Variants in CCDC122 observed in about 807,000 individuals in gnomAD.
CCDC122 encodes coiled-coil domain-containing protein 122.
CCDC122 carries 38 observed loss-of-function variants against 37.0 expected under a neutral mutation model. The observed-to-expected ratio is 1.03, with a 90% CI of 0.79 to 1.35. CCDC122 has a LOEUF of 1.35. Among genes scored for constraint, CCDC122 ranks in the 40% most tolerant of loss-of-function variants. The pLI is 0.00. For synonymous variants in CCDC122, 83 were observed against 95.6 expected (o/e 0.87, Z 0.77); for missense variants, 305 against 310.0 (o/e 0.98, Z 0.12).
chr13:43,837,155 A>T lies in CCDC122; in HGVS notation c.*125T>A. The T allele has an allele frequency of 2.2e-6, 2 of 909,112 alleles. No individual in the cohort carries two copies. The highest frequency in any genetic ancestry group is 3.3e-6 in the Non-Finnish European group (2 of 607,516). The allele number at this position is 909,112 out of a possible 1,614,324, so 56.3% of individuals were successfully genotyped here. A position where few individuals can be genotyped will look rare whatever the true frequency, so the allele number is the denominator to read the frequency against. ...TTTAAAAAAAACAACAACCGAAGAC[A>T]TCTGTCATTAAGACAGGTCTCTAAT... On this transcript the variant is annotated 3_prime_UTR_variant, in exon 7 of 7. Transcript: ENST00000444614.
intron 2 of CCDC122, among the ~76,000 whole-genome samples, chr13:43,874,075 A>G (rs1302156007): frequency 6.6e-6 from 1 of 152,186 alleles, no homozygotes; most frequent in East Asian, 1.9e-4. Context: ...CTTTCTGGGA[A>G]GATATGGTCT....
At chr13:43,876,214 T>C (rs1954606501) in intron 1 of CCDC122, among the ~76,000 whole-genome samples, 1 of 152,240 alleles carries the variant, frequency 6.6e-6, no homozygotes, top group Admixed American at 6.5e-5. Context: ...CAATTTGTTA[T>C]GCTAGCCCTA....
chr13:43,879,198 A>ATTCCCGCCGCCCCCTCACGGTGCCCGCCG (rs1274757076), intron 1 of CCDC122: 4 of 151,944 alleles, frequency 2.6e-5, no homozygotes, highest in African/African-American at 9.7e-5. Context: ...GCGACCCACC[A>ATTCCCGCCGCCCCCTCACGGTGCCCGCCG]TTCCCGCCGC....
At chr13:43,878,480 C>T (rs1443828721) in intron 1 of CCDC122, among the ~76,000 whole-genome samples, 2 of 152,138 alleles carry the variant, frequency 1.3e-5, no homozygotes, top group African/African-American at 4.8e-5. Flanking sequence ...AACATGCCTA[C>T]CCCAGAGGGC....
chr13:43,820,254 GAT>G (rs1445747264), downstream of CCDC122, among the ~76,000 whole-genome samples: 4 of 152,176 alleles, frequency 2.6e-5, no homozygotes, highest in African/African-American at 9.7e-5. Flanking sequence ...AAGCCTGAGG[GAT>G]AGTGACAACC....
At chr13:43,878,593 C>T (rs1436620862) in intron 1 of CCDC122, among the ~76,000 whole-genome samples, 1 of 152,166 alleles carries the variant, frequency 6.6e-6, no homozygotes, top group Non-Finnish European at 1.5e-5. Context: ...TCCATCATAA[C>T]CAGTTCCCCA....
At chr13:43,849,566 C>G (rs969127997) in intron 6 of CCDC122, among the ~76,000 whole-genome samples, 1 of 152,072 alleles carries the variant, frequency 6.6e-6, no homozygotes, top group South Asian at 2.1e-4. Context: ...CTGGAGAAGA[C>G]AGCAATCTGG....
At chr13:43,843,964 T>C (rs1247009888) in intron 6 of CCDC122, among the ~76,000 whole-genome samples, 2 of 151,966 alleles carry the variant, frequency 1.3e-5, no homozygotes, top group African/African-American at 4.8e-5. Context: ...AGTATTGCTA[T>C]GGGTTTCTCG....
At chr13:43,827,583 C>G (rs1984170) in intron 3 of CCDC122, among the ~76,000 whole-genome samples, 1 of 152,148 alleles carries the variant, frequency 6.6e-6, no homozygotes, top group African/African-American at 2.4e-5. Flanking sequence ...GCATGGCTTG[C>G]GTGGGTCCAC....
chr13:43,855,809 T>C (rs1953890221), intron 6 of CCDC122: 1 of 152,140 alleles, frequency 6.6e-6, no homozygotes, highest in East Asian at 1.9e-4. Context: ...TGGCAATTCC[T>C]CAGACTTAAA....
At chr13:43,864,774 G>A (rs969675360) in intron 4 of CCDC122, among the ~76,000 whole-genome samples, 1 of 152,012 alleles carries the variant, frequency 6.6e-6, no homozygotes, top group African/African-American at 2.4e-5. Context: ...AAGTGACAAG[G>A]GTGATAGGAT....
intron 6 of CCDC122, chr13:43,858,408 T>C (rs1010808534): frequency 5.3e-5 from 8 of 152,376 alleles, no homozygotes; most frequent in African/African-American, 1.4e-4. Context: ...ATGCTTTCCA[T>C]TGTGTTTTAT....
intron 6 of CCDC122, chr13:43,848,889 GAA>G (rs1953631161): frequency 1.0e-6 from 1 of 980,616 alleles, no homozygotes; most frequent in African/African-American, 1.8e-5. Flanking sequence ...AGAAGAGATA[GAA>G]AAAAGACTCC....
At chr13:43,860,170 T>C (rs1954061571) in intron 4 of CCDC122, 100 bp from the exon 5 acceptor site, 1 of 535,532 alleles carries the variant, frequency 1.9e-6, no homozygotes, top group Non-Finnish European at 2.9e-6. Flanking sequence ...AAATCACTTA[T>C]AAGAATATAT....
At chr13:43,841,531 A>G (rs2153870290) in intron 6 of CCDC122, among the ~76,000 whole-genome samples, 1 of 152,232 alleles carries the variant, frequency 6.6e-6, no homozygotes, top group Non-Finnish European at 1.5e-5. Flanking sequence ...TATTGGTCAT[A>G]CTATGTCTTC....
At chr13:43,856,089 AG>A (rs1397738283) in intron 6 of CCDC122, 1 of 152,176 alleles carries the variant, frequency 6.6e-6, no homozygotes, top group Non-Finnish European at 1.5e-5. Flanking sequence ...CACTATCCTA[AG>A]TGAATTAATG....
intron 1 of CCDC122, among the ~76,000 whole-genome samples, chr13:43,876,551 G>C (rs892543411): frequency 3.3e-5 from 5 of 152,222 alleles, no homozygotes; most frequent in East Asian, 1.9e-4. Context: ...TATTACCTTT[G>C]TAAGTCATAA....
downstream of CCDC122, among the ~76,000 whole-genome samples, chr13:43,832,397 A>G (rs1354841986): frequency 6.6e-6 from 1 of 152,180 alleles, no homozygotes; most frequent in Admixed American, 6.5e-5. Context: ...ACATAGCCCT[A>G]TAATAACCTT....
chr13:43,820,614 A>G (rs1237229635), downstream of CCDC122, among the ~76,000 whole-genome samples: 1 of 152,260 alleles, frequency 6.6e-6, no homozygotes, highest in East Asian at 1.9e-4. Flanking sequence ...ACCTTTGAAT[A>G]TGGCTAGAAC....
Sources: allele counts gnomAD v4.1 joint callset (sites outside exome capture counted in the v4.1 genomes callset), GRCh38; gene constraint gnomAD v4.1.1; transcripts MANE v1.5; gene names NCBI Gene and HGNC (gene_info 2026-07-23, HGNC 2026-07-21).